Variants in NRCAM observed in about 807,000 individuals in gnomAD.
NRCAM encodes neuronal cell adhesion molecule, also known as NgCAM-related cell adhesion molecule.
Under a neutral mutation model 156.5 loss-of-function variants are expected in NRCAM, and 83 were observed. That is an observed-to-expected ratio of 0.53 (90% CI 0.44 to 0.64). The LOEUF (loss-of-function observed/expected upper bound fraction) is 0.64, where lower values mean the gene tolerates loss of function less well. Ranked by LOEUF, NRCAM falls within the 30% of genes least tolerant of loss-of-function variation. The pLI is 0.00. For synonymous variants in NRCAM, 538 were observed against 563.9 expected (o/e 0.95, Z 0.65); for missense variants, 1,417 against 1,597.3 (o/e 0.89, Z 1.92).
At chr7:108,438,593 G>A (rs920712980) in intron 1 of NRCAM, among the ~76,000 whole-genome samples, 3 of 152,082 alleles carry the variant, frequency 2.0e-5, no homozygotes, top group Admixed American at 6.6e-5. Flanking sequence ...TGGGAACAAC[G>A]TAAGGATGTC....
At chr7:108,365,114 C>T (rs896073755) in intron 2 of NRCAM, among the ~76,000 whole-genome samples, 1 of 152,170 alleles carries the variant, frequency 6.6e-6, no homozygotes. Flanking sequence ...GACTTACATA[C>T]ACTGACCTGA....
rs16872450 is a variant in NRCAM, at chr7:108,234,516, A to T, written c.230+67T>A. The T allele has an allele frequency of 7.1e-3, 7,061 of 998,920 alleles. 318 individuals carry two copies. The African/African-American group carries it at 0.1, about 14-fold the overall frequency. The allele number at this position is 998,920 out of a possible 1,614,324, so 61.9% of individuals were successfully genotyped here. A position where few individuals can be genotyped will look rare whatever the true frequency, so the allele number is the denominator to read the frequency against. On this transcript the variant is annotated intron_variant, in intron 6 of 32. Coordinates refer to ENST00000379028, the MANE Select transcript of NRCAM (RefSeq NM_001037132.4). The stretch of plus-strand genomic sequence containing the variant: ...TTGTTTGATGGAAATTCCCAAACAT[A>T]TTTCTCTATTCAGAGAGATTTCCTG...
chr7:108,356,044 G>A (rs1461814358), intron 2 of NRCAM, among the ~76,000 whole-genome samples: 1 of 151,894 alleles, frequency 6.6e-6, no homozygotes, highest in Non-Finnish European at 1.5e-5. Context: ...TGCCTCCCAG[G>A]TTCAAGCGAT....
At chr7:108,192,911 G>A (rs944580098) in intron 17 of NRCAM, among the ~76,000 whole-genome samples, 9 of 152,200 alleles carry the variant, frequency 5.9e-5, no homozygotes, top group African/African-American at 2.2e-4. Flanking sequence ...AAAAATTAAT[G>A]TATAGAGAAT....
At chr7:108,363,102 GA>G (rs1331479638) in intron 2 of NRCAM, among the ~76,000 whole-genome samples, 4 of 151,836 alleles carry the variant, frequency 2.6e-5, no homozygotes, top group Non-Finnish European at 5.9e-5. Flanking sequence ...AATAATTTAA[GA>G]AATAAGAAAA....
At chr7:108,176,095 T>G (rs1586472106) in intron 27 of NRCAM, among the ~76,000 whole-genome samples, 1 of 152,194 alleles carries the variant, frequency 6.6e-6, no homozygotes, top group Non-Finnish European at 1.5e-5. Context: ...TGTGTACATA[T>G]GTATGTTTGT....
chr7:108,386,790 T>C (rs1323171437), intron 2 of NRCAM, among the ~76,000 whole-genome samples: 1 of 152,168 alleles, frequency 6.6e-6, no homozygotes, highest in South Asian at 2.1e-4. Context: ...GTGATTATTT[T>C]CTTTCATTTG....
At chr7:108,216,004 G>A (rs1320881492) in intron 11 of NRCAM, among the ~76,000 whole-genome samples, 1 of 152,166 alleles carries the variant, frequency 6.6e-6, no homozygotes, top group Non-Finnish European at 1.5e-5. Flanking sequence ...TCTTCATAGT[G>A]TCGATGGTGT....
At chr7:108,317,516 T>C (rs963980758) in intron 2 of NRCAM, among the ~76,000 whole-genome samples, 1 of 152,174 alleles carries the variant, frequency 6.6e-6, no homozygotes, top group African/African-American at 2.4e-5. Context: ...AAATTTTATA[T>C]GGCAGATAGT....
At chr7:108,281,846 G>T (rs891100986) in intron 3 of NRCAM, among the ~76,000 whole-genome samples, 4 of 152,214 alleles carry the variant, frequency 2.6e-5, no homozygotes, top group Admixed American at 6.5e-5. Context: ...TAACCAAACT[G>T]GGAGTGTTTC....
At chr7:108,353,214 C>T (rs1594785574) in intron 2 of NRCAM, among the ~76,000 whole-genome samples, 4 of 152,314 alleles carry the variant, frequency 2.6e-5, no homozygotes. Context: ...TCCTTTTCTA[C>T]ACTGAGCACC....
intron 1 of NRCAM, among the ~76,000 whole-genome samples, chr7:108,435,277 A>T (rs942918359): frequency 2.0e-5 from 3 of 152,240 alleles, no homozygotes; most frequent in Admixed American, 2.0e-4. Context: ...ATTTCTCTAC[A>T]GGCACTCATA....
chr7:108,348,234 G>A (rs2099384066), intron 2 of NRCAM, among the ~76,000 whole-genome samples: 1 of 152,192 alleles, frequency 6.6e-6, no homozygotes, highest in African/African-American at 2.4e-5. Context: ...GCATGCATGT[G>A]TGTGTGAGTG....
At chr7:108,218,414 T>G (rs570018306) in intron 11 of NRCAM, among the ~76,000 whole-genome samples, 130 of 152,274 alleles carry the variant, frequency 8.5e-4, no homozygotes, top group Non-Finnish European at 1.5e-3. Flanking sequence ...CACATTCTAT[T>G]CAACAGCACA....
At chr7:108,153,511 C>T (rs969349066) in intron 32 of NRCAM, among the ~76,000 whole-genome samples, 1 of 151,976 alleles carries the variant, frequency 6.6e-6, no homozygotes, top group African/African-American at 2.4e-5. Context: ...TAAACATCAT[C>T]CTTAATGGTG....
chr7:108,230,391 C>T (rs2094162727), intron 8 of NRCAM, among the ~76,000 whole-genome samples: 1 of 152,092 alleles, frequency 6.6e-6, no homozygotes, highest in South Asian at 2.1e-4. Flanking sequence ...TCTCTTTTGC[C>T]CGCTATATTC....
chr7:108,189,558 T>C, intron 20 of NRCAM, 87 bp downstream of exon 20: 1 of 711,956 alleles, frequency 1.4e-6, no homozygotes, highest in Non-Finnish European at 2.5e-6. Context: ...AGTAAATACC[T>C]TTGTGAGGAA....
chr7:108,211,401 G>C (rs1259895263), intron 11 of NRCAM, among the ~76,000 whole-genome samples: 2 of 152,202 alleles, frequency 1.3e-5, no homozygotes, highest in African/African-American at 2.4e-5. Context: ...ACTCGGGAAA[G>C]GGCATGAATC....
intron 1 of NRCAM, among the ~76,000 whole-genome samples, chr7:108,407,604 G>T (rs2099810722): frequency 6.6e-6 from 1 of 152,156 alleles, no homozygotes; most frequent in African/African-American, 2.4e-5. Flanking sequence ...ATTTGCTGTA[G>T]ATCTGTAGTT....
Sources: allele counts gnomAD v4.1 joint callset (sites outside exome capture counted in the v4.1 genomes callset), GRCh38; gene constraint gnomAD v4.1.1; transcripts MANE v1.5; gene names NCBI Gene and HGNC (gene_info 2026-07-23, HGNC 2026-07-21).